CD28: variants seen among roughly 807,000 people sequenced by gnomAD.
CD28 encodes T-cell-specific surface glycoprotein CD28.
Under a neutral mutation model 21.4 loss-of-function variants are expected in CD28, and 8 were observed. That is an observed-to-expected ratio of 0.37 (90% confidence interval 0.22 to 0.68). The LOEUF is 0.68. CD28 is among the 30% of genes least tolerant of loss of function. The probability of loss-of-function intolerance (pLI) is 0.55; values close to 1 mark genes in which losing one functional copy is unlikely to be tolerated. For missense variants in CD28, 239 were observed against 272.2 expected (o/e 0.88, Z 0.86); for synonymous variants, 106 against 104.0 (o/e 1.02, Z -0.12).
intron 1 of CD28, among the ~76,000 whole-genome samples, chr2:203,707,719 G>T (rs1693197965): frequency 6.6e-6 from 1 of 152,170 alleles, no homozygotes; most frequent in Non-Finnish European, 1.5e-5. Flanking sequence ...CACATTAAGG[G>T]ATTTGCCCAA....
chr2:203,722,860 T>C (rs1423536410), intron 1 of CD28, among the ~76,000 whole-genome samples: 4 of 152,170 alleles, frequency 2.6e-5, no homozygotes, highest in Non-Finnish European at 4.4e-5. Flanking sequence ...AATGGTCTAA[T>C]TAGGAGGGCT....
At chr2:203,727,621 A>AG (rs202225918) in intron 2 of CD28, among the ~76,000 whole-genome samples, 1 of 58,142 alleles carries the variant, frequency 1.7e-5, no homozygotes, top group African/African-American at 7.4e-5. Context: ...CTGGGACTAC[A>AG]GGGCCCGCCA....
intron 3 of CD28, among the ~76,000 whole-genome samples, chr2:203,731,735 C>T (rs534776341): frequency 1.3e-4 from 20 of 151,100 alleles, no homozygotes; most frequent in Admixed American, 1.2e-3. Context: ...ACTTTCAACT[C>T]AGACACATCA....
intron 1 of CD28, among the ~76,000 whole-genome samples, chr2:203,725,315 T>G (rs562580133): frequency 4.2e-4 from 62 of 149,016 alleles, no homozygotes; most frequent in Admixed American, 7.3e-4. Context: ...AAAAGAAAAA[T>G]TTTGGAAGGT....
intron 1 of CD28, among the ~76,000 whole-genome samples, chr2:203,725,164 C>T (rs970491538): frequency 6.6e-6 from 1 of 152,020 alleles, no homozygotes; most frequent in African/African-American, 2.4e-5. Context: ...TGGTGCATAC[C>T]TGTTAATCCC....
chr2:203,733,340 G>T (rs1693947174), intron 3 of CD28, among the ~76,000 whole-genome samples: 1 of 152,174 alleles, frequency 6.6e-6, no homozygotes, highest in South Asian at 2.1e-4. Context: ...AAGGGAGCTT[G>T]AGGTGTCAAG....
chr2:203,716,534 C>T (rs1315754043), intron 1 of CD28, among the ~76,000 whole-genome samples: 3 of 152,092 alleles, frequency 2.0e-5, no homozygotes, highest in Non-Finnish European at 4.4e-5. Context: ...AGTCAGAATA[C>T]CAAAGGACGA....
chr2:203,710,499 A>C (rs1693284087), intron 1 of CD28, among the ~76,000 whole-genome samples: 1 of 152,176 alleles, frequency 6.6e-6, no homozygotes, highest in Admixed American at 6.5e-5. Context: ...TGGGGAGAGG[A>C]TCTCGCTGCC....
intron 1 of CD28, 113 bp from the exon 2 acceptor site, chr2:203,726,520 G>A (rs913736646): frequency 1.4e-6 from 1 of 738,932 alleles, no homozygotes; most frequent in African/African-American, 1.8e-5. Context: ...CTTCTGCCAA[G>A]AGAAAACCTT....
Position 203,712,812 on chromosome 2 carries a change from A to C in CD28, c.52+6064A>C, listed in dbSNP as rs114053128. On this transcript the variant is annotated intron_variant, in intron 1 of 3. Coordinates refer to ENST00000324106, the MANE Select transcript of CD28 (RefSeq NM_006139.4). ...TGAATGAACGTTGTTATTAATAATA[A>C]TTGCTAGCTAACATTTATTTTGCAC... 9.6e-3 allele frequency among the ~76,000 whole-genome samples: 1,456 copies of C among 152,334 alleles called. 19 individuals carry two copies. Among genetic ancestry groups the C allele is most frequent in the African/African-American group, 0.032 (1,345 of 41,570 alleles).
chr2:203,734,759 A>G, intron 3 of CD28, 25 bp from the exon 4 acceptor site: 1 of 1,613,854 alleles, frequency 6.2e-7, no homozygotes, highest in Admixed American at 1.7e-5. Context: ...TTGTCCCTCC[A>G]TACTGACACT....
In CD28 at chr2:203,726,705, A is replaced by T. The variant is rs758484234; in HGVS notation, c.125A>T (p.Tyr42Phe). Residue 42 changes from tyrosine to phenylalanine, a missense_variant, in exon 2 of 4, where the codon TAT becomes TTT. Coordinates refer to ENST00000324106, the MANE Select transcript of CD28 (RefSeq NM_006139.4). ...YDNAVNLSCK[Y>F]SYNLFSREFR... Reference sequence around the variant, plus strand: ...AATGCGGTCAACCTTAGCTGCAAGTATTCCTACAATCTCTTCTCAAGGGAG... The same window carrying T: ...AATGCGGTCAACCTTAGCTGCAAGTTTTCCTACAATCTCTTCTCAAGGGAG... 6.2e-7 allele frequency: 1 copy of T among 1,614,134 alleles called. No homozygotes were observed. The highest frequency in any genetic ancestry group is 1.7e-5 in the Admixed American group (1 of 60,018).
intron 1 of CD28, among the ~76,000 whole-genome samples, chr2:203,724,061 CAACATGGATGAAACTTGA>C (rs939769921): frequency 9.2e-5 from 14 of 152,096 alleles, no homozygotes; most frequent in African/African-American, 2.7e-4. Flanking sequence ...GTGCATGCAA[CAACATGGATGAAACTTGA>C]AACATGGATG....
At chr2:203,729,895 C>T (rs774363235) in intron 3 of CD28, 123 bp downstream of exon 3, 4 of 983,150 alleles carry the variant, frequency 4.1e-6, no homozygotes, top group Non-Finnish European at 6.1e-6. Context: ...TTCTTTTCCC[C>T]ATGCTTGAGT....
At chr2:203,721,433 T>A (rs1559553319) in intron 1 of CD28, among the ~76,000 whole-genome samples, 1 of 151,828 alleles carries the variant, frequency 6.6e-6, no homozygotes, top group Non-Finnish European at 1.5e-5. Context: ...AAGGTAGCTG[T>A]AATTCCCCAA....
intron 1 of CD28, among the ~76,000 whole-genome samples, chr2:203,710,360 G>A (rs537703554): frequency 1.4e-4 from 21 of 152,320 alleles, no homozygotes; most frequent in Admixed American, 4.6e-4. Context: ...TTACAGCAAG[G>A]ACTGCAAAAT....
intron 1 of CD28, among the ~76,000 whole-genome samples, chr2:203,716,140 C>T (rs11889054): frequency 4.9e-4 from 74 of 152,284 alleles, no homozygotes; most frequent in African/African-American, 1.8e-3. Context: ...CTGGTATTGG[C>T]CATCTTCACC....
chr2:203,710,450 G>A (rs1208918842), intron 1 of CD28, among the ~76,000 whole-genome samples: 1 of 152,250 alleles, frequency 6.6e-6, no homozygotes, highest in Admixed American at 6.5e-5. Flanking sequence ...ATCTGTGATT[G>A]TAACTCCAAA....
Position 203,735,072 on chromosome 2 carries a change from C to G in CD28, c.*160C>G. On this transcript the variant is annotated 3_prime_UTR_variant, in exon 4 of 4. Coordinates refer to ENST00000324106, the MANE Select transcript of CD28 (RefSeq NM_006139.4). Reference sequence around the variant, plus strand: ...GAGTGACTAGACCAAATATCAAGATCATTTTGAGACTCTGAAATGAAGTAA... The same window carrying G: ...GAGTGACTAGACCAAATATCAAGATGATTTTGAGACTCTGAAATGAAGTAA... 4 of 736,518 alleles carry G rather than the reference C, an allele frequency of 5.4e-6. No homozygotes were observed. Among genetic ancestry groups the G allele is most frequent in the Non-Finnish European group, 6.5e-6 (3 of 458,950 alleles). 45.6% of individuals were successfully genotyped at this position (736,518 alleles called of 1,614,324 possible).
Sources: allele counts gnomAD v4.1 joint callset (sites outside exome capture counted in the v4.1 genomes callset), GRCh38; gene constraint gnomAD v4.1.1; transcripts MANE v1.5; gene names NCBI Gene and HGNC (gene_info 2026-07-23, HGNC 2026-07-21).